PIK3C3: variants seen among roughly 807,000 people sequenced by gnomAD.
PIK3C3 encodes the protein phosphatidylinositol 3-kinase catalytic subunit type 3.
A neutral mutation model predicts 126.1 loss-of-function variants in PIK3C3; 95 were observed. The observed-to-expected ratio is 0.75, with a 90% confidence interval of 0.64 to 0.89. PIK3C3 has a LOEUF of 0.89. Among genes scored for constraint, PIK3C3 ranks in the 40% least tolerant of loss-of-function variants. The pLI is 0.00. For missense variants in PIK3C3, 829 were observed against 1,063.2 expected, an observed-to-expected ratio of 0.78 and a Z score of 3.06; for synonymous variants, 374 against 360.0, an observed-to-expected ratio of 1.04 and a Z score of -0.44.
intron 11 of PIK3C3, among the ~76,000 whole-genome samples, chr18:42,015,257 T>C (rs1244818424): frequency 2.6e-5 from 4 of 152,170 alleles, no homozygotes; most frequent in African/African-American, 9.7e-5. Flanking sequence ...ACCTTTAATA[T>C]GCAGACTTGC....
intron 10 of PIK3C3, among the ~76,000 whole-genome samples, chr18:42,013,071 A>G (rs939697988): frequency 1.3e-5 from 2 of 150,888 alleles, no homozygotes; most frequent in Non-Finnish European, 3.0e-5. Context: ...GGATCCTTCT[A>G]TAATTTCTTA....
At chr18:41,957,020 A>C (rs1979811770) in intron 1 of PIK3C3, among the ~76,000 whole-genome samples, 1 of 152,218 alleles carries the variant, frequency 6.6e-6, no homozygotes, top group Non-Finnish European at 1.5e-5. Context: ...CAGACAATGC[A>C]TATGCATAGT....
chr18:42,057,065 C>CAG (rs1555640563), intron 21 of PIK3C3, among the ~76,000 whole-genome samples: 3 of 142,392 alleles, frequency 2.1e-5, no homozygotes, highest in African/African-American at 7.7e-5. Context: ...TGAACCCCCC[C>CAG]CCCCGTGTTG....
At chr18:41,970,480 G>T (rs866121337) in intron 4 of PIK3C3, 24 bp downstream of exon 4, 1 of 1,609,404 alleles carries the variant, frequency 6.2e-7, no homozygotes. Context: ...TTTGGAACAG[G>T]TGCAAAGCTC....
In PIK3C3 at chr18:42,066,342, T is replaced by C. The variant is rs1411481482; in HGVS notation, c.2524-1046T>C. 5.9e-5 allele frequency among the ~76,000 whole-genome samples: 9 copies of C among 152,218 alleles called. No homozygotes were observed. The South Asian group carries it at 6.2e-4, about 11-fold the overall frequency. On this transcript the variant is annotated intron_variant, in intron 23 of 24. Transcript: ENST00000262039. ...TTGTTGCACTGTTTGTCATTTCTTC[T>C]TTGTAGCTTTCTAGTAGTGAAACCC...
chr18:41,985,092 C>G (rs1398622475), intron 4 of PIK3C3: 1 of 152,102 alleles, frequency 6.6e-6, no homozygotes, highest in Non-Finnish European at 1.5e-5. Context: ...CCCTTTATCA[C>G]CAAGGTGTTA....
chr18:42,076,155 T>TGCAC (rs1986007774), intron 24 of PIK3C3, among the ~76,000 whole-genome samples: 2 of 118,376 alleles, frequency 1.7e-5, no homozygotes, highest in African/African-American at 7.1e-5. Flanking sequence ...CGCATATATA[T>TGCAC]ATATATGCAC....
chr18:42,057,826 C>A, intron 21 of PIK3C3, 57 bp from the exon 22 acceptor site: 1 of 1,474,686 alleles, frequency 6.8e-7, no homozygotes, highest in Non-Finnish European at 9.5e-7. Flanking sequence ...TGACATATCA[C>A]CTACCCAGTT....
At chr18:41,967,158 G>T (rs1426488637) in intron 3 of PIK3C3, among the ~76,000 whole-genome samples, 1 of 152,120 alleles carries the variant, frequency 6.6e-6, no homozygotes, top group East Asian at 1.9e-4. Flanking sequence ...TGCAGCTTTG[G>T]ATTGTGAAAG....
At position 42,015,574 on chromosome 18, in the gene PIK3C3, CA is replaced by C. The variant is rs765979146; in HGVS notation, c.1416+11del. On this transcript the variant is annotated intron_variant, in intron 12 of 24. Transcript: ENST00000262039. ...GATGGCGAAAATCTGGAAGTGAGTA[CA>C]AAGCTTTTCCAGCTTCCTATAGGAG... The C allele has an allele frequency of 6.2e-7, 1 of 1,601,484 alleles. No homozygotes were observed. Among genetic ancestry groups the C allele is most frequent in the Admixed American group, 1.7e-5 (1 of 59,990 alleles).
intron 24 of PIK3C3, among the ~76,000 whole-genome samples, chr18:42,069,293 C>T (rs892805772): frequency 6.6e-6 from 1 of 152,142 alleles, no homozygotes; most frequent in South Asian, 2.1e-4. Context: ...AGTCAACCAG[C>T]TAGCTAAAGG....
At chr18:42,073,148 G>GGGTTCAGAA (rs1183109773) in intron 24 of PIK3C3, among the ~76,000 whole-genome samples, 4 of 152,144 alleles carry the variant, frequency 2.6e-5, no homozygotes, top group Non-Finnish European at 5.9e-5. Context: ...CCAATAGATT[G>GGGTTCAGAA]GGTTCAGAAG....
chr18:42,073,538 C>T (rs1985862533), intron 24 of PIK3C3, among the ~76,000 whole-genome samples: 2 of 152,106 alleles, frequency 1.3e-5, no homozygotes, highest in Admixed American at 1.3e-4. Context: ...TGAAGGTGAT[C>T]CCAAAATTGA....
chr18:42,001,255 C>A (rs183931178), intron 9 of PIK3C3, among the ~76,000 whole-genome samples: 2 of 152,104 alleles, frequency 1.3e-5, no homozygotes, highest in Admixed American at 1.3e-4. Flanking sequence ...GATACTGTTA[C>A]AAACATTTTA....
chr18:42,057,786 T>G (rs1568004516), intron 21 of PIK3C3, 97 bp from the exon 22 acceptor site: 3 of 1,080,590 alleles, frequency 2.8e-6, no homozygotes, highest in Non-Finnish European at 2.8e-6. Context: ...TAATATTCTT[T>G]ATGAAGAGAC....
intron 21 of PIK3C3, chr18:42,050,953 T>G (rs1984775752): frequency 6.6e-6 from 1 of 152,228 alleles, no homozygotes; most frequent in Non-Finnish European, 1.5e-5. Flanking sequence ...CCTTTCTAAC[T>G]CCTTGATCTG....
chr18:42,011,056 G>A (rs1445208440), intron 10 of PIK3C3, among the ~76,000 whole-genome samples: 1 of 152,114 alleles, frequency 6.6e-6, no homozygotes, highest in African/African-American at 2.4e-5. Context: ...CTCAACAGTG[G>A]GCTTAAATAT....
chr18:42,073,403 G>A (rs1199490599), intron 24 of PIK3C3, among the ~76,000 whole-genome samples: 1 of 152,186 alleles, frequency 6.6e-6, no homozygotes, highest in Non-Finnish European at 1.5e-5. Context: ...GAGGAAAATG[G>A]TGTGGTTATT....
intron 4 of PIK3C3, among the ~76,000 whole-genome samples, chr18:41,974,739 T>G (rs1460578405): frequency 6.6e-6 from 1 of 152,194 alleles, no homozygotes; most frequent in Non-Finnish European, 1.5e-5. Context: ...TGAGCAAATT[T>G]ACCCATTGTT....
Sources: allele counts gnomAD v4.1 joint callset (sites outside exome capture counted in the v4.1 genomes callset), GRCh38; gene constraint gnomAD v4.1.1; transcripts MANE v1.5; gene names NCBI Gene and HGNC (gene_info 2026-07-23, HGNC 2026-07-21).